The following SPTBN1 variants were observed in gnomAD, a reference collection of about 807,000 sequenced individuals.
SPTBN1 encodes spectrin beta chain, non-erythrocytic 1.
SPTBN1 carries 32 observed loss-of-function variants against 266.4 expected under a neutral mutation model. The ratio of observed to expected loss-of-function variants is 0.12; its 90% CI spans 0.09 to 0.16. The LOEUF (loss-of-function observed/expected upper bound fraction) is 0.16, where lower values mean the gene tolerates loss of function less well. Ranked by LOEUF, SPTBN1 falls within the 10% of genes least tolerant of loss-of-function variation. The pLI is 1.00. For synonymous variants in SPTBN1, 1,336 were observed against 1,162.2 expected (o/e 1.15, Z -3.04); for missense variants, 2,296 against 3,067.1 (o/e 0.75, Z 5.94).
chr2:54,662,064 G>A (rs1037417761), intron 32 of SPTBN1: 55 of 985,286 alleles, frequency 5.6e-5, no homozygotes, highest in Admixed American at 1.2e-4. Flanking sequence ...TGTGCTACTA[G>A]TTGTCACGTT....
intron 24 of SPTBN1, among the ~76,000 whole-genome samples, chr2:54,648,655 G>A (rs1163065113): frequency 6.6e-6 from 1 of 152,202 alleles, no homozygotes; most frequent in African/African-American, 2.4e-5. Flanking sequence ...AGCCAGAGGT[G>A]CAGAGAGAAT....
chr2:54,595,369 C>A (rs1043701392), intron 2 of SPTBN1, among the ~76,000 whole-genome samples: 3 of 152,162 alleles, frequency 2.0e-5, no homozygotes, highest in African/African-American at 4.8e-5. Flanking sequence ...AGTGCTTGTT[C>A]CTTGGAGGCA....
At chr2:54,490,149 G>A (rs1433907059) in intron 1 of SPTBN1, among the ~76,000 whole-genome samples, 1 of 150,036 alleles carries the variant, frequency 6.7e-6, no homozygotes, top group Admixed American at 6.7e-5. Context: ...TCAGCTCACT[G>A]CAACCTCCGC....
intron 1 of SPTBN1, among the ~76,000 whole-genome samples, chr2:54,480,884 C>G (rs1668060421): frequency 6.6e-6 from 1 of 152,064 alleles, no homozygotes; most frequent in Non-Finnish European, 1.5e-5. Context: ...GAAGCCCTGG[C>G]CAGCTCTAGG....
chr2:54,643,194 T>A (rs1572739021), intron 19 of SPTBN1, 65 bp downstream of exon 19: 2 of 1,594,712 alleles, frequency 1.3e-6, no homozygotes, highest in East Asian at 4.5e-5. Flanking sequence ...AACTCCTTTT[T>A]ATTTAGCACA....
Position 54,500,137 on chromosome 2 carries a change from GAAAAATGGCAAGTAGTC to G in SPTBN1, c.-47-26233_-47-26217del, listed in dbSNP as rs1669174890. Among the ~76,000 whole-genome samples the G allele has an allele frequency of 4.6e-5, 7 of 152,176 alleles. 1 individual carries two copies. Among genetic ancestry groups the G allele is most frequent in the African/African-American group, 1.4e-4 (6 of 41,446 alleles). On this transcript the variant is annotated intron_variant, in intron 1 of 35. Coordinates refer to ENST00000356805, the MANE Select transcript of SPTBN1 (RefSeq NM_003128.3). ...TTAGGCGGTTTTTCATTCTTTGAAA[GAAAAATGGCAAGTAGTC>G]ACGTTTGTTAGGTGATGGCTTATTT...
At chr2:54,465,638 TC>T (rs1194070599) in intron 1 of SPTBN1, among the ~76,000 whole-genome samples, 32,401 of 84,236 alleles carry the variant, frequency 0.38, 4,595 homozygotes, top group East Asian at 0.49. Context: ...CATGTTTATC[TC>T]ATATATATAT....
intron 1 of SPTBN1, among the ~76,000 whole-genome samples, chr2:54,472,267 TC>T: frequency 6.6e-6 from 1 of 152,022 alleles, no homozygotes; most frequent in East Asian, 1.9e-4. Context: ...GACCTCATAA[TC>T]CGCCCGCCTG....
intron 1 of SPTBN1, among the ~76,000 whole-genome samples, chr2:54,461,677 G>C (rs149121417): frequency 3.3e-5 from 5 of 152,292 alleles, no homozygotes; most frequent in Admixed American, 2.6e-4. Flanking sequence ...CAATTTCTCT[G>C]ATTATTGAGT....
At chr2:54,559,153 T>A (rs1673099320) in intron 2 of SPTBN1, among the ~76,000 whole-genome samples, 1 of 152,232 alleles carries the variant, frequency 6.6e-6, no homozygotes, top group Admixed American at 6.5e-5. Flanking sequence ...TTCTTTACTT[T>A]TAGCTAACTT....
chr2:54,606,769 G>A (rs1027516743), intron 3 of SPTBN1, among the ~76,000 whole-genome samples: 8 of 152,126 alleles, frequency 5.3e-5, no homozygotes, highest in Admixed American at 4.6e-4. Context: ...CTTCTAGGGC[G>A]GCACCGATTA....
At chr2:54,656,098 G>T (rs781358395) in intron 29 of SPTBN1, 100 bp downstream of exon 29, 9 of 1,076,954 alleles carry the variant, frequency 8.4e-6, no homozygotes, top group Non-Finnish European at 5.3e-6. Flanking sequence ...TTTAAAGATT[G>T]TTCGAGTTGT....
At chr2:54,560,191 G>GC (rs1455898096) in intron 2 of SPTBN1, among the ~76,000 whole-genome samples, 2 of 145,036 alleles carry the variant, frequency 1.4e-5, no homozygotes, top group African/African-American at 5.2e-5. Flanking sequence ...TTGGGGTGGG[G>GC]GGGGGCGTTC....
intron 12 of SPTBN1, among the ~76,000 whole-genome samples, chr2:54,627,168 A>G (rs1410817921): frequency 2.6e-5 from 4 of 152,242 alleles, no homozygotes; most frequent in Admixed American, 2.0e-4. Context: ...GGGCAAAGTC[A>G]TCTGATACCA....
intron 1 of SPTBN1, among the ~76,000 whole-genome samples, chr2:54,470,581 A>G (rs937548484): frequency 6.6e-6 from 1 of 152,244 alleles, no homozygotes; most frequent in Admixed American, 6.5e-5. Flanking sequence ...GGCTTCAAAA[A>G]ACATTCCATT....
chr2:54,595,913 A>G (rs1676050439), intron 2 of SPTBN1, among the ~76,000 whole-genome samples: 1 of 152,176 alleles, frequency 6.6e-6, no homozygotes, highest in Non-Finnish European at 1.5e-5. Flanking sequence ...CCAAACTGCT[A>G]AATGTGCCGA....
At chr2:54,571,977 T>C (rs879065213) in intron 2 of SPTBN1, among the ~76,000 whole-genome samples, 6 of 152,140 alleles carry the variant, frequency 3.9e-5, no homozygotes, top group Admixed American at 3.9e-4. Flanking sequence ...TCTACTTTTT[T>C]TGATAAAATG....
chr2:54,628,812 T>C lies in SPTBN1; in HGVS notation c.1799-121T>C. ...ATTGCCTTATCGCATGGCCCTGCAT[T>C]TACATTTAGCAGTGAGCTGGTAATC... is the stretch of plus-strand genomic sequence containing the variant. On this transcript the variant is annotated intron_variant, in intron 13 of 35. Coordinates refer to ENST00000356805, the MANE Select transcript of SPTBN1 (RefSeq NM_003128.3). The surrounding 1 kb of genome is among the most constrained non-coding windows in gnomAD (Gnocchi z 4.3). 7.5e-7 allele frequency: 1 copy of C among 1,327,080 alleles called. No individual in the cohort carries two copies. The highest frequency in any genetic ancestry group is 1.0e-6 in the Non-Finnish European group (1 of 981,766). 82.2% of individuals were successfully genotyped at this position (1,327,080 alleles called of 1,614,324 possible). A position where few individuals can be genotyped will look rare whatever the true frequency, so the allele number is the denominator to read the frequency against.
intron 1 of SPTBN1, among the ~76,000 whole-genome samples, chr2:54,479,833 C>T (rs1166642642): frequency 6.6e-6 from 1 of 151,012 alleles, no homozygotes; most frequent in Non-Finnish European, 1.5e-5. Context: ...TTTCTATTAT[C>T]TTTATATTAT....
Sources: gnomAD v4.1 joint callset for allele counts (sites outside exome capture counted in the v4.1 genomes callset) on GRCh38, gnomAD v4.1.1 for gene constraint, Gnocchi (gnomAD v3.1) non-coding constraint, MANE v1.5 for transcripts, NCBI Gene and HGNC (gene_info 2026-07-23, HGNC 2026-07-21) for gene names.